ANO3: variants seen among roughly 807,000 people sequenced by gnomAD.
The protein encoded by ANO3 is anoctamin-3.
In ANO3, 99 loss-of-function variants were observed where a neutral mutation model predicts 144.8. That is an observed-to-expected ratio of 0.68 (90% confidence interval 0.58 to 0.81). The LOEUF (loss-of-function observed/expected upper bound fraction) is 0.81. Ranked by LOEUF, ANO3 falls within the 30% of genes least tolerant of loss-of-function variation. The pLI, the probability that ANO3 is intolerant of heterozygous loss-of-function variation, is 0.00. For synonymous variants in ANO3, 414 were observed against 392.6 expected (o/e 1.05, Z -0.64); for missense variants, 905 against 1,202.2 (o/e 0.75, Z 3.66).
intron 14 of ANO3, among the ~76,000 whole-genome samples, chr11:26,586,663 C>T (rs981982480): frequency 1.0e-4 from 15 of 149,932 alleles, no homozygotes; most frequent in Non-Finnish European, 2.1e-4. Context: ...CCACCACACC[C>T]GGCTAACTTT....
rs1410785733 is a variant in ANO3, at chr11:26,662,275, T to C, written c.*1831T>C. ...ACTTCCCTCAAGTGCCGTTGTTATGTGAAACTCTTCCATTCAGATTCCAGA... is the reference window on the plus strand; with the variant it reads ...ACTTCCCTCAAGTGCCGTTGTTATGCGAAACTCTTCCATTCAGATTCCAGA... On this transcript the variant is annotated 3_prime_UTR_variant, in exon 27 of 27. Transcript: ENST00000256737. The C allele has an allele frequency of 6.6e-6, 1 of 151,742 alleles. No individual in the cohort carries two copies. Among genetic ancestry groups the C allele is most frequent in the African/African-American group, 2.4e-5 (1 of 41,318 alleles). The allele number at this position is 151,742 out of a possible 1,614,324, so 9.4% of individuals were successfully genotyped here.
chr11:26,367,937 G>T (rs1856139362), intron 1 of ANO3, among the ~76,000 whole-genome samples: 1 of 152,136 alleles, frequency 6.6e-6, no homozygotes, highest in Non-Finnish European at 1.5e-5. Context: ...GCACCAAGGG[G>T]ATAGTGCTAA....
chr11:26,300,805 C>T (rs1206292772), intron 1 of ANO3, among the ~76,000 whole-genome samples: 1 of 151,712 alleles, frequency 6.6e-6, no homozygotes, highest in Non-Finnish European at 1.5e-5. Flanking sequence ...GATAATGTCA[C>T]TACTGTTGCC....
chr11:26,231,518 A>T (rs1286628093), intron 1 of ANO3, among the ~76,000 whole-genome samples: 1 of 152,208 alleles, frequency 6.6e-6, no homozygotes, highest in Non-Finnish European at 1.5e-5. Flanking sequence ...TGAATCAGTC[A>T]TTCATCAATT....
chr11:26,459,367 T>C (rs201156205), intron 3 of ANO3, among the ~76,000 whole-genome samples: 2 of 152,070 alleles, frequency 1.3e-5, no homozygotes, highest in East Asian at 1.9e-4. Flanking sequence ...GAAGATCATT[T>C]TGGAGAATCG....
intron 20 of ANO3, among the ~76,000 whole-genome samples, chr11:26,635,691 T>G (rs1477058550): frequency 1.3e-5 from 2 of 152,332 alleles, no homozygotes; most frequent in East Asian, 3.9e-4. Flanking sequence ...TGATTTTAGT[T>G]TCTATAATTA....
intron 1 of ANO3, among the ~76,000 whole-genome samples, chr11:26,289,800 G>A (rs28399320): frequency 0.23 from 33,102 of 145,972 alleles, 5,985 homozygotes; most frequent in African/African-American, 0.5. Flanking sequence ...ATATATATAT[G>A]TGTGTGTATA....
intron 4 of ANO3, among the ~76,000 whole-genome samples, chr11:26,477,654 T>C (rs988424045): frequency 6.6e-6 from 1 of 152,134 alleles, no homozygotes; most frequent in African/African-American, 2.4e-5. Context: ...CTTTGCATTG[T>C]GCATAGAGGC....
chr11:26,474,818 C>A (rs1208472620), intron 4 of ANO3, among the ~76,000 whole-genome samples: 1 of 151,640 alleles, frequency 6.6e-6, no homozygotes, highest in Non-Finnish European at 1.5e-5. Flanking sequence ...AATAAGTGTT[C>A]TTTATGAAAA....
At chr11:26,533,346 G>A (rs1479414883) in intron 8 of ANO3, among the ~76,000 whole-genome samples, 2 of 152,092 alleles carry the variant, frequency 1.3e-5, no homozygotes, top group African/African-American at 4.8e-5. Context: ...TTAAGGTGAT[G>A]ATATTATGTT....
chr11:26,454,505 T>G (rs918889373), intron 3 of ANO3, among the ~76,000 whole-genome samples: 17 of 152,084 alleles, frequency 1.1e-4, no homozygotes, highest in Non-Finnish European at 1.8e-4. Flanking sequence ...TCAACATATA[T>G]GCTCTCCCAA....
At chr11:26,281,945 A>G (rs1853688186) in intron 1 of ANO3, among the ~76,000 whole-genome samples, 1 of 152,182 alleles carries the variant, frequency 6.6e-6, no homozygotes, top group African/African-American at 2.4e-5. Context: ...AACCATGTGG[A>G]TTAGTCATAA....
intron 24 of ANO3, among the ~76,000 whole-genome samples, chr11:26,655,407 T>C (rs1853654845): frequency 6.6e-6 from 1 of 152,206 alleles, no homozygotes; most frequent in Non-Finnish European, 1.5e-5. Flanking sequence ...TTTCTCTCTC[T>C]GGAACATTCA....
chr11:26,625,016 G>C (rs775477994), intron 18 of ANO3, among the ~76,000 whole-genome samples: 2 of 151,328 alleles, frequency 1.3e-5, no homozygotes, highest in African/African-American at 2.4e-5. Context: ...GCTGCACCTC[G>C]CAGGTTCACG....
chr11:26,297,021 T>G (rs1435962802), intron 1 of ANO3, among the ~76,000 whole-genome samples: 1 of 152,148 alleles, frequency 6.6e-6, no homozygotes, highest in South Asian at 2.1e-4. Flanking sequence ...CCAGGATAGC[T>G]CATTTCATAT....
At chr11:26,355,210 C>T (rs1855748068) in intron 1 of ANO3, among the ~76,000 whole-genome samples, 3 of 152,162 alleles carry the variant, frequency 2.0e-5, no homozygotes, top group African/African-American at 7.2e-5. Context: ...ACATGTTCTC[C>T]AGCAGCTTAT....
chr11:26,191,240 T>G (rs1169995893), intron 1 of ANO3, among the ~76,000 whole-genome samples: 1 of 151,098 alleles, frequency 6.6e-6, no homozygotes, highest in Non-Finnish European at 1.5e-5. Context: ...ATTGCGCCAT[T>G]GCACGCCAGC....
intron 14 of ANO3, chr11:26,565,685 A>T (rs772239013): frequency 1.2e-6 from 2 of 1,613,366 alleles, no homozygotes; most frequent in South Asian, 2.2e-5. Context: ...TATTTTCTTT[A>T]TCTGAGTTTA....
intron 1 of ANO3, among the ~76,000 whole-genome samples, chr11:26,195,688 C>G (rs1564912419): frequency 6.6e-6 from 1 of 152,120 alleles, no homozygotes; most frequent in Non-Finnish European, 1.5e-5. Context: ...TAAAGGTCAG[C>G]CTATAATTCT....
Sources: gnomAD v4.1 joint callset for allele counts (sites outside exome capture counted in the v4.1 genomes callset) on GRCh38, gnomAD v4.1.1 for gene constraint, MANE v1.5 for transcripts, NCBI Gene and HGNC (gene_info 2026-07-23, HGNC 2026-07-21) for gene names.